PYROXD2: variants seen among roughly 807,000 people sequenced by gnomAD.
The protein encoded by PYROXD2 is pyridine nucleotide-disulphide oxidoreductase domain 2, also known as pyridine nucleotide-disulfide oxidoreductase domain-containing protein 2.
A neutral mutation model predicts 71.1 loss-of-function variants in PYROXD2; 69 were observed. That is an observed-to-expected ratio of 0.97 (90% CI 0.80 to 1.19). PYROXD2 has a LOEUF of 1.19. Ranked by LOEUF, PYROXD2 falls within the 50% of genes most tolerant of loss-of-function variation. The pLI is 0.00. For synonymous variants in PYROXD2, 287 were observed against 302.7 expected, an observed-to-expected ratio of 0.95 and a Z score of 0.54; for missense variants, 745 against 748.9, an observed-to-expected ratio of 0.99 and a Z score of 0.06.
rs753952113 is a variant in PYROXD2, at chr10:98,392,497, C to A, written c.997G>T (p.Val333Leu). The stretch of plus-strand genomic sequence containing the variant: ...TTGGACAGCACCATTTTGCTTCTCA[C>A]CTCTGTGCCATCTTCCAGCACAACT... ...QGVVLEDGTE[V>L]RSKMVLSNTS... The change falls in exon 10 of 16, where the codon GTG (valine) becomes TTG (leucine). Residue 333 changes from valine to leucine, a missense_variant. Val to Leu is a conservative substitution (Grantham distance 32, BLOSUM62 1). Coordinates refer to ENST00000370575, the MANE Select transcript of PYROXD2 (RefSeq NM_032709.3). 9.3e-6 allele frequency: 15 copies of A among 1,613,730 alleles called. No homozygotes were observed. The highest frequency in any genetic ancestry group is 1.3e-5 in the Non-Finnish European group (15 of 1,180,044).
At chr10:98,394,876 G>A (rs993901861) in intron 8 of PYROXD2, among the ~76,000 whole-genome samples, 3 of 152,002 alleles carry the variant, frequency 2.0e-5, no homozygotes, top group African/African-American at 7.3e-5. Flanking sequence ...AGGTGGGAGA[G>A]AGGCTTTTCT....
chr10:98,385,573 A>T (rs931241839), intron 14 of PYROXD2, among the ~76,000 whole-genome samples: 23 of 152,200 alleles, frequency 1.5e-4, no homozygotes, highest in Admixed American at 1.4e-3. Flanking sequence ...GGGAGGCAGC[A>T]TGGGACAAGC....
intron 4 of PYROXD2, among the ~76,000 whole-genome samples, chr10:98,402,574 A>G (rs1046853490): frequency 2.0e-5 from 3 of 152,210 alleles, no homozygotes; most frequent in Non-Finnish European, 4.4e-5. Flanking sequence ...GAGCACATCC[A>G]CTTCTTCAAA....
chr10:98,409,043 C>T (rs765044390), intron 2 of PYROXD2, among the ~76,000 whole-genome samples: 6 of 152,198 alleles, frequency 3.9e-5, no homozygotes, highest in Non-Finnish European at 7.3e-5. Context: ...TCATAACCTA[C>T]TGAGAAAGAA....
At chr10:98,414,806 G>A (rs1843934532) in intron 1 of PYROXD2, 2 of 679,690 alleles carry the variant, frequency 2.9e-6, no homozygotes, top group South Asian at 2.5e-5. Context: ...CCACACAGCA[G>A]AGCCAGCACC....
chr10:98,397,403 A>C lies in PYROXD2; in HGVS notation c.567T>G (p.His189Gln). 6.2e-7 allele frequency: 1 copy of C among 1,613,430 alleles called. No individual in the cohort carries two copies. Among genetic ancestry groups the C allele is most frequent in the South Asian group, 1.1e-5 (1 of 90,944 alleles). Residue 189 changes from histidine to glutamine, a missense_variant, in exon 6 of 16, where the codon CAT (histidine) becomes CAG (glutamine). His to Gln is a conservative substitution (Grantham distance 24). Transcript: ENST00000370575. The part of the protein sequence containing the change: ...AAPVDMAAFQ[H>Q]GSLLQRMRSL... ...ACCTCATCCTTTGCAGCAAGGAGCC[A>C]TGCTGGAAGGCCGCCATGTCCACGG...
chr10:98,392,628 C>G, intron 9 of PYROXD2, 62 bp from the exon 10 acceptor site: 1 of 1,592,368 alleles, frequency 6.3e-7, no homozygotes, highest in Non-Finnish European at 8.5e-7. Context: ...TTAGATCTTC[C>G]GGGATTTCCA....
intron 4 of PYROXD2, among the ~76,000 whole-genome samples, chr10:98,402,681 C>A (rs371748323): frequency 2.4e-4 from 36 of 152,344 alleles, no homozygotes; most frequent in African/African-American, 7.0e-4. Flanking sequence ...CCTCACGACT[C>A]GAGGTCTTGG....
At chr10:98,389,482 T>C (rs972317787) in intron 12 of PYROXD2, among the ~76,000 whole-genome samples, 1 of 152,112 alleles carries the variant, frequency 6.6e-6, no homozygotes, top group African/African-American at 2.4e-5. Context: ...GCACAAACTT[T>C]CCTGGAGTAA....
intron 5 of PYROXD2, 131 bp from the exon 6 acceptor site, chr10:98,397,629 CTCT>C: frequency 8.9e-7 from 1 of 1,121,080 alleles, no homozygotes; most frequent in Non-Finnish European, 1.2e-6. Context: ...CCCAGCTTGG[CTCT>C]GTTGAGCTCC....
intron 12 of PYROXD2, among the ~76,000 whole-genome samples, chr10:98,390,384 A>G (rs1842906157): frequency 6.6e-6 from 1 of 152,032 alleles, no homozygotes; most frequent in Non-Finnish European, 1.5e-5. Context: ...CCCTTCTGCT[A>G]ACCTGAGCCG....
chr10:98,394,829 G>A (rs1348298922), intron 8 of PYROXD2, among the ~76,000 whole-genome samples: 1 of 152,020 alleles, frequency 6.6e-6, no homozygotes, highest in Non-Finnish European at 1.5e-5. Context: ...GGGAAGAGGA[G>A]AGAAAAGAAG....
intron 1 of PYROXD2, among the ~76,000 whole-genome samples, chr10:98,413,586 C>T (rs948994612): frequency 1.5e-4 from 23 of 152,024 alleles, no homozygotes; most frequent in South Asian, 1.5e-3. Context: ...TGGTGGTGGG[C>T]GCCTGTAGTC....
At chr10:98,406,984 G>A (rs556735645) in intron 4 of PYROXD2, among the ~76,000 whole-genome samples, 1 of 150,436 alleles carries the variant, frequency 6.6e-6, no homozygotes, top group African/African-American at 2.4e-5. Context: ...AGTGACAGTG[G>A]CACTAAGCAG....
chr10:98,405,186 T>G (rs1275979467), intron 4 of PYROXD2, among the ~76,000 whole-genome samples: 1 of 152,124 alleles, frequency 6.6e-6, no homozygotes, highest in Non-Finnish European at 1.5e-5. Flanking sequence ...AAAAGCAAAC[T>G]CATTTACTAG....
chr10:98,389,570 C>T (rs1842876972), intron 12 of PYROXD2, among the ~76,000 whole-genome samples: 1 of 152,174 alleles, frequency 6.6e-6, no homozygotes, highest in Non-Finnish European at 1.5e-5. Context: ...CCACTCTGGC[C>T]TCGTCCCTGT....
intron 4 of PYROXD2, among the ~76,000 whole-genome samples, chr10:98,402,330 A>C (rs975129913): frequency 6.6e-5 from 10 of 152,330 alleles, no homozygotes; most frequent in Admixed American, 1.3e-4. Context: ...AGCTCTCAGC[A>C]CCGGTCTGTA....
chr10:98,407,637 G>T lies in PYROXD2; in HGVS notation c.260C>A (p.Ala87Glu), dbSNP rs748246749. ...EIIPGFKFSR[A>E]SYLLSLLRPQ... ...CCTCAGCAGGCTGAGCAGGTAGGAC[G>T]CGCGGGAGAACTTAAACCCTGAAAC... The change falls in exon 4 of 16, where the codon GCG (alanine) becomes GAG (glutamate). Residue 87 changes from alanine to glutamate, a missense_variant. By Grantham distance (107) the Ala-to-Glu change is moderately radical. Transcript: ENST00000370575. 6.2e-7 allele frequency: 1 copy of T among 1,613,960 alleles called. No homozygotes were observed. Among genetic ancestry groups the T allele is most frequent in the Non-Finnish European group, 8.5e-7 (1 of 1,179,964 alleles).
chr10:98,390,879 C>A, intron 11 of PYROXD2, 125 bp from the exon 12 acceptor site: 2 of 1,382,828 alleles, frequency 1.4e-6, no homozygotes, highest in Admixed American at 1.7e-5. Flanking sequence ...ACCTTCTGAC[C>A]AGGCTGCAGG....
Sources: allele counts gnomAD v4.1 joint callset (sites outside exome capture counted in the v4.1 genomes callset), GRCh38; gene constraint gnomAD v4.1.1; transcripts MANE v1.5; gene names NCBI Gene and HGNC (gene_info 2026-07-23, HGNC 2026-07-21).